SEC24C: variants seen among roughly 807,000 people sequenced by gnomAD.
SEC24C encodes the protein protein transport protein Sec24C.
Under a neutral mutation model 117.0 loss-of-function variants are expected in SEC24C, and 22 were observed. The ratio of observed to expected loss-of-function variants is 0.19; its 90% confidence interval spans 0.13 to 0.27. The LOEUF (loss-of-function observed/expected upper bound fraction) is 0.27. Ranked by LOEUF, SEC24C falls within the 10% of genes least tolerant of loss-of-function variation. The pLI is 1.00. For missense variants in SEC24C, 1,155 were observed against 1,375.1 expected, an observed-to-expected ratio of 0.84 and a Z score of 2.53; for synonymous variants, 506 against 529.4, an observed-to-expected ratio of 0.96 and a Z score of 0.61.
chr10:73,760,105 T>A lies in SEC24C; in HGVS notation c.569T>A (p.Leu190His). The A allele has an allele frequency of 6.2e-7, 1 of 1,614,080 alleles. No homozygotes were observed. The highest frequency in any genetic ancestry group is 2.2e-5 in the East Asian group (1 of 44,890). ...TATCCTCAGGGCCAGGCTCCTCCCC[T>A]TAGCCAGGCCCAAGGTCATCCTGGG... ...GSYPQGQAPP[L>H]SQAQGHPGIQ... is the part of the protein sequence containing the mutation. The change falls in exon 5 of 23, where the codon CTT becomes CAT. Residue 190 changes from leucine to histidine, a missense_variant. This residue lies in a region of SEC24C where 396 missense variants were observed against 382.8 expected (regional missense o/e 1.03). Coordinates refer to ENST00000345254, the MANE Select transcript of SEC24C (RefSeq NM_198597.3).
intron 3 of SEC24C, among the ~76,000 whole-genome samples, chr10:73,756,893 T>C (rs971132063): frequency 7.1e-6 from 1 of 140,242 alleles, no homozygotes; most frequent in African/African-American, 2.6e-5. Flanking sequence ...TCACTGTTCC[T>C]GGCCAATTTT....
intron 3 of SEC24C, among the ~76,000 whole-genome samples, chr10:73,758,335 G>A (rs1038932398): frequency 2.0e-5 from 3 of 152,170 alleles, no homozygotes; most frequent in Non-Finnish European, 2.9e-5. Context: ...GGGCTGTGAG[G>A]TAATTTGGTT....
chr10:73,749,561 G>T (rs10740417), intron 2 of SEC24C, among the ~76,000 whole-genome samples: 94,797 of 142,310 alleles, frequency 0.67, 31,358 homozygotes, highest in Middle Eastern at 0.82. Flanking sequence ...TTTTCTTTTT[G>T]GAGACAGAGT....
In SEC24C at chr10:73,769,246, C is replaced by G; in HGVS notation, c.2424+94C>G. The G allele has an allele frequency of 6.3e-7, 1 of 1,585,308 alleles. No homozygotes were observed. Among genetic ancestry groups the G allele is most frequent in the Non-Finnish European group, 8.6e-7 (1 of 1,163,880 alleles). The stretch of plus-strand genomic sequence containing the variant: ...GGGTAGAGAGCACTAAAAGAAGAGA[C>G]AGGGCACGGGAGTGGCTCATTTCTC... On this transcript the variant is annotated intron_variant, in intron 17 of 22. Coordinates refer to ENST00000345254, the MANE Select transcript of SEC24C (RefSeq NM_198597.3). The surrounding 1 kb of genome is among the most constrained non-coding windows in gnomAD (Gnocchi z 4.5).
rs528142485 is a variant in SEC24C at position 73,748,593 on chromosome 10, A to T, written c.172+1589A>T. Among the ~76,000 whole-genome samples the T allele has an allele frequency of 6.1e-5, 9 of 147,424 alleles. No individual in the cohort carries two copies. The South Asian group carries it at 1.9e-3, about 31-fold the overall frequency. On this transcript the variant is annotated intron_variant, in intron 2 of 22. Coordinates refer to ENST00000345254, the MANE Select transcript of SEC24C (RefSeq NM_198597.3). ...TGGGATTACAGGCATGTGCCACCAC[A>T]CCCGGCTAATGTTTTGTATTTTTAT...
chr10:73,764,061 T>C, intron 8 of SEC24C, 78 bp downstream of exon 8: 3 of 1,469,060 alleles, frequency 2.0e-6, no homozygotes, highest in Non-Finnish European at 2.7e-6. Context: ...CTGGATGTGA[T>C]TCCAGCTTCA....
rs551634026 is a variant in SEC24C at position 73,768,333 on chromosome 10, C to T, written c.2181+326C>T. On this transcript the variant is annotated intron_variant, in intron 15 of 22. Coordinates refer to ENST00000345254, the MANE Select transcript of SEC24C (RefSeq NM_198597.3). ...TGGAGGTTGTGGTGAGCCGAGATTG[C>T]GCCACTGCACTCCAGCCAGAGCGAC... is the stretch of plus-strand genomic sequence containing the variant. 1.8e-4 allele frequency among the ~76,000 whole-genome samples: 28 copies of T among 152,228 alleles called. No homozygotes were observed. The East Asian group carries it at 1.9e-3, about 10-fold the overall frequency.
Position 73,769,841 on chromosome 10 carries a change from C to T in SEC24C, c.2688C>T (p.Ile896=). 1.2e-6 allele frequency: 2 copies of T among 1,613,976 alleles called. No homozygotes were observed. The highest frequency in any genetic ancestry group is 4.5e-5 in the East Asian group (2 of 44,884). ...TATTTTGATAATCCCCTCAGTTGAT[C>T]CTTCCTGAGTGCATGAAGCTACTCC... ...CASPSSAGQL[I]LPECMKLLPV... Residue 896 remains isoleucine (I), a synonymous_variant, in exon 20 of 23, where the codon ATC becomes ATT. Coordinates refer to ENST00000345254, the MANE Select transcript of SEC24C (RefSeq NM_198597.3). The surrounding 1 kb of genome is among the most constrained non-coding windows in gnomAD (Gnocchi z 4.5).
In SEC24C at chr10:73,769,120, C is replaced by T. The variant is rs371855467; in HGVS notation, c.2392C>T (p.Arg798Trp). Residue 798 changes from arginine (R) to tryptophan (W), a missense_variant, in exon 17 of 23, where the codon CGG (arginine) becomes TGG (tryptophan). Transcript: ENST00000345254. This position sits in a 1 kb window ranked among gnomAD's most constrained non-coding sequence, Gnocchi z 4.5. ...TVTVEFKHDD[R>W]LNEESGALLQ... ...GACTGTGGAGTTCAAGCATGACGAT[C>T]GGCTCAATGAAGAGAGCGGAGCTCT... The T allele has an allele frequency of 7.4e-6, 12 of 1,614,116 alleles. No homozygotes were observed. The highest frequency in any genetic ancestry group is 3.3e-5 in the South Asian group (3 of 91,066).
intron 3 of SEC24C, among the ~76,000 whole-genome samples, chr10:73,753,849 A>G (rs2082675343): frequency 6.6e-6 from 1 of 152,186 alleles, no homozygotes; most frequent in Non-Finnish European, 1.5e-5. Flanking sequence ...GACTCTTTAC[A>G]TAACATTTAC....
intron 3 of SEC24C, among the ~76,000 whole-genome samples, chr10:73,753,778 C>T (rs1008717592): frequency 1.3e-5 from 2 of 152,214 alleles, no homozygotes; most frequent in Non-Finnish European, 2.9e-5. Context: ...CCTCTGTCTT[C>T]TTTTTCTTAG....
At chr10:73,757,215 A>G (rs1215044218) in intron 3 of SEC24C, among the ~76,000 whole-genome samples, 2 of 142,742 alleles carry the variant, frequency 1.4e-5, no homozygotes, top group Non-Finnish European at 3.1e-5. Context: ...CACCTGGCCT[A>G]ATTTTTTTTT....
intron 2 of SEC24C, among the ~76,000 whole-genome samples, chr10:73,748,358 C>T (rs1466345219): frequency 1.3e-5 from 2 of 151,996 alleles, no homozygotes; most frequent in Non-Finnish European, 2.9e-5. Flanking sequence ...TGGTCTCGAA[C>T]TCCTGACCTC....
At position 73,771,200 on chromosome 10, in the gene SEC24C, C is replaced by G. The variant is rs766696931; in HGVS notation, c.*105C>G. ...ATATCTTATGTAAGCTGACCTCAGTCTCTCTGGGGGGAGGGGGAGATATAA... is the reference window on the plus strand; with the variant it reads ...ATATCTTATGTAAGCTGACCTCAGTGTCTCTGGGGGGAGGGGGAGATATAA... On this transcript the variant is annotated 3_prime_UTR_variant, in exon 23 of 23. Transcript: ENST00000345254. 3.4e-5 allele frequency: 46 copies of G among 1,343,026 alleles called. 1 individual carries two copies. Among genetic ancestry groups the G allele is most frequent in the Non-Finnish European group, 4.6e-5 (45 of 973,220 alleles). The allele number at this position is 1,343,026 out of a possible 1,614,324, so 83.2% of individuals were successfully genotyped here. A position where few individuals can be genotyped will look rare whatever the true frequency, so the allele number is the denominator to read the frequency against.
chr10:73,753,901 A>G (rs941529622), intron 3 of SEC24C, among the ~76,000 whole-genome samples: 1 of 152,212 alleles, frequency 6.6e-6, no homozygotes, highest in Non-Finnish European at 1.5e-5. Context: ...TGCGTGCCCC[A>G]GGACGGCTTT....
Position 73,767,260 on chromosome 10 carries a change from A to T in SEC24C, c.2010+90A>T. 7.5e-6 allele frequency: 6 copies of T among 798,652 alleles called. No individual in the cohort carries two copies. The South Asian group carries it at 9.3e-5, about 12-fold the overall frequency. 49.5% of individuals were successfully genotyped at this position (798,652 alleles called of 1,614,324 possible). A position where few individuals can be genotyped will look rare whatever the true frequency, so the allele number is the denominator to read the frequency against. Reference sequence around the variant, plus strand: ...TTCTTGATGGTGGCTAGGACCAGACACTCCACCCTTTCAAATACCATATCT... The same window carrying T: ...TTCTTGATGGTGGCTAGGACCAGACTCTCCACCCTTTCAAATACCATATCT... On this transcript the variant is annotated intron_variant, in intron 14 of 22. Coordinates refer to ENST00000345254, the MANE Select transcript of SEC24C (RefSeq NM_198597.3).
At chr10:73,757,767 C>T (rs1030642326) in intron 3 of SEC24C, among the ~76,000 whole-genome samples, 1 of 150,088 alleles carries the variant, frequency 6.7e-6, no homozygotes, top group African/African-American at 2.5e-5. Context: ...AAAAAATTAG[C>T]TAGGTGTGGT....
intron 6 of SEC24C, among the ~76,000 whole-genome samples, chr10:73,761,840 C>T (rs528249897): frequency 4.2e-4 from 64 of 152,158 alleles, no homozygotes; most frequent in African/African-American, 1.3e-3. Context: ...TCAGCCCCTC[C>T]CTGTGTAACT....
intron 2 of SEC24C, 34 bp downstream of exon 2, chr10:73,747,038 G>T: frequency 3.8e-6 from 6 of 1,594,494 alleles, no homozygotes; most frequent in Non-Finnish European, 3.4e-6. Context: ...TTGAGCTAGG[G>T]AGGGAAATCA....
Sources: allele counts gnomAD v4.1 joint callset (sites outside exome capture counted in the v4.1 genomes callset), GRCh38; gene constraint gnomAD v4.1.1; regional missense constraint gnomAD v4.1.1; non-coding constraint Gnocchi (gnomAD v3.1); transcripts MANE v1.5; gene names NCBI Gene and HGNC (gene_info 2026-07-23, HGNC 2026-07-21).